ROBO2: variants seen among roughly 807,000 people sequenced by gnomAD.
ROBO2 encodes the protein roundabout homolog 2.
ROBO2 carries 53 observed loss-of-function variants against 160.8 expected under a neutral mutation model. The ratio of observed to expected loss-of-function variants is 0.33; its 90% confidence interval spans 0.26 to 0.41. The LOEUF is 0.41. Among genes scored for constraint, ROBO2 ranks in the 10% least tolerant of loss-of-function variants. The pLI, the probability that ROBO2 is intolerant of heterozygous loss-of-function variation, is 1.00. For synonymous variants in ROBO2, 664 were observed against 611.7 expected (o/e 1.09, Z -1.26); for missense variants, 1,577 against 1,722.4 (o/e 0.92, Z 1.49).
At chr3:76,714,420 A>G (rs1019833356) in intron 2 of ROBO2, among the ~76,000 whole-genome samples, 2 of 152,192 alleles carry the variant, frequency 1.3e-5, no homozygotes, top group Non-Finnish European at 2.9e-5. Context: ...TTGAACAACA[A>G]GGAAACTTTT....
chr3:77,231,141 G>A (rs747231381), intron 2 of ROBO2, among the ~76,000 whole-genome samples: 13 of 151,930 alleles, frequency 8.6e-5, no homozygotes, highest in Non-Finnish European at 1.8e-4. Context: ...GAGGTGGGCG[G>A]ATCATTTGAG....
At chr3:77,007,592 T>C (rs1008004780) in intron 2 of ROBO2, among the ~76,000 whole-genome samples, 3 of 152,266 alleles carry the variant, frequency 2.0e-5, no homozygotes, top group Non-Finnish European at 4.4e-5. Context: ...GTGGGTTTCT[T>C]AAAGGGATTT....
chr3:76,844,610 A>T (rs185037605), intron 2 of ROBO2, among the ~76,000 whole-genome samples: 1 of 152,060 alleles, frequency 6.6e-6, no homozygotes, highest in Admixed American at 6.6e-5. Flanking sequence ...GCTTAATTCC[A>T]TAAATGTTGT....
intron 2 of ROBO2, among the ~76,000 whole-genome samples, chr3:76,790,065 A>G (rs544634697): frequency 6.6e-6 from 1 of 151,810 alleles, no homozygotes; most frequent in African/African-American, 2.4e-5. Context: ...AGTAGTTGTA[A>G]GTTTTGGTTA....
At chr3:76,208,581 A>G (rs1157201374) in intron 2 of ROBO2, among the ~76,000 whole-genome samples, 1 of 152,154 alleles carries the variant, frequency 6.6e-6, no homozygotes, top group Non-Finnish European at 1.5e-5. Flanking sequence ...TTCGTATAAA[A>G]TGTGAACGCT....
intron 2 of ROBO2, among the ~76,000 whole-genome samples, chr3:76,306,422 A>T (rs2107761771): frequency 6.6e-6 from 1 of 152,262 alleles, no homozygotes; most frequent in South Asian, 2.1e-4. Context: ...TTAAGAAAAT[A>T]AATAAAAGGC....
intron 2 of ROBO2, among the ~76,000 whole-genome samples, chr3:77,215,226 A>G (rs1315030087): frequency 1.3e-5 from 2 of 152,116 alleles, no homozygotes; most frequent in African/African-American, 4.8e-5. Context: ...CCAATTAAAC[A>G]TAGATTTGGT....
At chr3:75,973,478 A>C (rs928000570) in intron 2 of ROBO2, among the ~76,000 whole-genome samples, 3 of 151,628 alleles carry the variant, frequency 2.0e-5, no homozygotes, top group Non-Finnish European at 4.4e-5. Context: ...GGAACTGAAA[A>C]GGCAAAAGGA....
chr3:76,227,989 G>T (rs540350526), intron 2 of ROBO2, among the ~76,000 whole-genome samples: 6 of 152,186 alleles, frequency 3.9e-5, no homozygotes, highest in Non-Finnish European at 8.8e-5. Flanking sequence ...AAAAAAGTAA[G>T]GGTTATATTT....
At chr3:76,610,318 C>G (rs1405427082) in intron 2 of ROBO2, among the ~76,000 whole-genome samples, 1 of 152,156 alleles carries the variant, frequency 6.6e-6, no homozygotes, top group Admixed American at 6.5e-5. Context: ...CCTGGGTTCG[C>G]TCAGCCCGCT....
chr3:77,479,364 A>G (rs2084408814), intron 3 of ROBO2, among the ~76,000 whole-genome samples: 1 of 152,156 alleles, frequency 6.6e-6, no homozygotes, highest in Non-Finnish European at 1.5e-5. Flanking sequence ...GATTTAAGGC[A>G]ATTGTGTTTC....
At chr3:76,544,675 A>G (rs550931086) in intron 2 of ROBO2, among the ~76,000 whole-genome samples, 51 of 152,012 alleles carry the variant, frequency 3.4e-4, no homozygotes, top group Non-Finnish European at 6.0e-4. Context: ...CAAACTTCCT[A>G]GATTCAAATT....
chr3:76,323,166 CACACACACA>C (rs2072715060), intron 2 of ROBO2, among the ~76,000 whole-genome samples: 1 of 151,684 alleles, frequency 6.6e-6, no homozygotes, highest in African/African-American at 2.4e-5. Context: ...CACACACACA[CACACACACA>C]CCCCTAAAGG....
At chr3:77,358,430 A>T (rs2069444545) in intron 2 of ROBO2, among the ~76,000 whole-genome samples, 1 of 152,146 alleles carries the variant, frequency 6.6e-6, no homozygotes, top group Non-Finnish European at 1.5e-5. Context: ...CGACAAACTT[A>T]TTTCCAAATA....
At chr3:75,923,190 G>A (rs1947142521) in intron 1 of ROBO2, among the ~76,000 whole-genome samples, 1 of 152,152 alleles carries the variant, frequency 6.6e-6, no homozygotes, top group African/African-American at 2.4e-5. Context: ...TTATTGGGAA[G>A]AGCTTTTATT....
intron 2 of ROBO2, among the ~76,000 whole-genome samples, chr3:77,255,071 A>T (rs1167824341): frequency 1.3e-5 from 2 of 152,376 alleles, no homozygotes; most frequent in Admixed American, 1.3e-4. Flanking sequence ...CCAAAGATAT[A>T]GGAAAGTAAA....
At chr3:76,340,081 A>ATT (rs1210052208) in intron 2 of ROBO2, among the ~76,000 whole-genome samples, 2 of 41,860 alleles carry the variant, frequency 4.8e-5, no homozygotes, top group East Asian at 2.5e-3. Flanking sequence ...AAATGAACCA[A>ATT]TTGCAAAAAA....
chr3:77,463,421 T>C (rs1301200563), intron 2 of ROBO2, among the ~76,000 whole-genome samples: 1 of 152,144 alleles, frequency 6.6e-6, no homozygotes, highest in Admixed American at 6.5e-5. Context: ...TAAATGTGTT[T>C]GTTTTTAGAA....
chr3:77,512,493 C>G (rs2089518808), intron 5 of ROBO2, among the ~76,000 whole-genome samples: 1 of 151,914 alleles, frequency 6.6e-6, no homozygotes, highest in South Asian at 2.1e-4. Flanking sequence ...TCACTAAGTT[C>G]TAGATGGATG....
Sources: allele counts gnomAD v4.1 joint callset (sites outside exome capture counted in the v4.1 genomes callset), GRCh38; gene constraint gnomAD v4.1.1; transcripts MANE v1.5; gene names NCBI Gene and HGNC (gene_info 2026-07-23, HGNC 2026-07-21).